STARD13: variants seen among roughly 807,000 people sequenced by gnomAD.
STARD13 encodes the protein StAR related lipid transfer domain containing 13.
Under a neutral mutation model 106.4 loss-of-function variants are expected in STARD13, and 62 were observed. The observed-to-expected ratio is 0.58, with a 90% confidence interval of 0.48 to 0.72. STARD13 has a LOEUF of 0.72. Ranked by LOEUF, STARD13 falls within the 30% of genes least tolerant of loss-of-function variation. STARD13 has a pLI of 0.00. For synonymous variants in STARD13, 565 were observed against 553.0 expected, an observed-to-expected ratio of 1.02 and a Z score of -0.31; for missense variants, 1,387 against 1,424.0, an observed-to-expected ratio of 0.97 and a Z score of 0.42.
chr13:33,604,599 C>A, the STARD13 span, among the ~76,000 whole-genome samples: 1 of 151,968 alleles, frequency 6.6e-6, no homozygotes, highest in Non-Finnish European at 1.5e-5. Flanking sequence ...GAGTTTGAGA[C>A]CAGCCTGGCC....
At chr13:33,345,033 AC>A (rs1415242675), downstream of STARD13, among the ~76,000 whole-genome samples, 2 of 152,222 alleles carry the variant, frequency 1.3e-5, no homozygotes, top group Non-Finnish European at 1.5e-5. Context: ...TAGAATTGTC[AC>A]CAGCAGTGGT....
intron 1 of STARD13, among the ~76,000 whole-genome samples, chr13:33,304,451 C>A (rs531605825): frequency 2.0e-5 from 3 of 152,192 alleles, no homozygotes; most frequent in South Asian, 4.2e-4. Flanking sequence ...ACTTCTAAAT[C>A]TTGAAAAGAA....
chr13:33,614,766 A>C, the STARD13 span, among the ~76,000 whole-genome samples: 7 of 152,190 alleles, frequency 4.6e-5, no homozygotes, highest in Non-Finnish European at 1.0e-4. Flanking sequence ...CAAGGCCAGC[A>C]AGCATCAAGT....
chr13:33,499,426 A>T, the STARD13 span, among the ~76,000 whole-genome samples: 1 of 152,222 alleles, frequency 6.6e-6, no homozygotes, highest in Non-Finnish European at 1.5e-5. Context: ...CTTGGGTTGC[A>T]GATGGCCACT....
intron 3 of STARD13, 30 bp downstream of exon 3, chr13:33,165,307 A>G: frequency 1.3e-6 from 2 of 1,554,278 alleles, no homozygotes; most frequent in Non-Finnish European, 1.8e-6. Flanking sequence ...TGAACAGTGG[A>G]AAGAAACAAA....
chr13:33,350,931 TACC>T (rs1166077128), upstream of STARD13, among the ~76,000 whole-genome samples: 4 of 80,464 alleles, frequency 5.0e-5, no homozygotes, highest in African/African-American at 9.9e-5. Context: ...TTTCAGAAAC[TACC>T]ACCTTCACAA....
At chr13:33,358,439 G>T in the STARD13 span, among the ~76,000 whole-genome samples, 1 of 152,228 alleles carries the variant, frequency 6.6e-6, no homozygotes, top group Non-Finnish European at 1.5e-5. Flanking sequence ...AGCCAGCTGG[G>T]CTCCTGAGTC....
intron 1 of STARD13, chr13:33,185,876 AC>A: frequency 1.9e-6 from 3 of 1,613,512 alleles, no homozygotes; most frequent in African/African-American, 1.3e-5. Flanking sequence ...TCCAGCACTT[AC>A]CCCGGCGCTG....
the STARD13 span, among the ~76,000 whole-genome samples, chr13:33,474,545 A>T: frequency 6.6e-6 from 1 of 152,360 alleles, no homozygotes; most frequent in East Asian, 1.9e-4. Context: ...TACATTAAAC[A>T]AATAAGTCCA....
chr13:33,289,058 G>T (rs1475088616), upstream of STARD13, among the ~76,000 whole-genome samples: 1 of 152,186 alleles, frequency 6.6e-6, no homozygotes, highest in African/African-American at 2.4e-5. Context: ...ACAGGCAACT[G>T]AGAGAGCTGG....
chr13:33,239,447 C>T (rs549282745), intron 1 of STARD13, among the ~76,000 whole-genome samples: 2 of 152,068 alleles, frequency 1.3e-5, no homozygotes, highest in African/African-American at 2.4e-5. Context: ...TTTTTAGGAA[C>T]TTCCATTCTG....
chr13:33,213,238 G>A (rs1887826439), intron 1 of STARD13, among the ~76,000 whole-genome samples: 1 of 151,942 alleles, frequency 6.6e-6, no homozygotes, highest in Non-Finnish European at 1.5e-5. Context: ...TGCACATATA[G>A]GATTTCTATG....
chr13:33,475,566 C>G, the STARD13 span, among the ~76,000 whole-genome samples: 1 of 152,176 alleles, frequency 6.6e-6, no homozygotes, highest in African/African-American at 2.4e-5. Flanking sequence ...ATCTAGAGAG[C>G]TACAAGAGCA....
intron 1 of STARD13, among the ~76,000 whole-genome samples, chr13:33,189,823 T>C (rs1886113463): frequency 6.6e-6 from 1 of 151,894 alleles, no homozygotes; most frequent in Admixed American, 6.6e-5. Context: ...GTGATCCCAG[T>C]TTCTAGCAGG....
chr13:33,199,966 TG>T (rs1886901305), intron 1 of STARD13, among the ~76,000 whole-genome samples: 1 of 152,244 alleles, frequency 6.6e-6, no homozygotes, highest in Non-Finnish European at 1.5e-5. Flanking sequence ...TGTTTTCCTT[TG>T]GGGAGTAGAG....
the STARD13 span, among the ~76,000 whole-genome samples, chr13:33,358,020 G>T: frequency 6.6e-6 from 1 of 152,206 alleles, no homozygotes; most frequent in African/African-American, 2.4e-5. Context: ...TGCGGCGCTT[G>T]CGGGCCAGCT....
intron 1 of STARD13, among the ~76,000 whole-genome samples, chr13:33,332,020 C>A (rs1383985172): frequency 6.6e-6 from 1 of 152,108 alleles, no homozygotes; most frequent in Non-Finnish European, 1.5e-5. Context: ...CTTTTCCTTC[C>A]ACATTTTACA....
At chr13:33,360,162 A>G in the STARD13 span, among the ~76,000 whole-genome samples, 1 of 152,108 alleles carries the variant, frequency 6.6e-6, no homozygotes, top group African/African-American at 2.4e-5. Flanking sequence ...GAGCCTCAAG[A>G]TGTAATTCCT....
At chr13:33,243,543 A>C (rs1889656989) in intron 1 of STARD13, among the ~76,000 whole-genome samples, 1 of 152,140 alleles carries the variant, frequency 6.6e-6, no homozygotes, top group Non-Finnish European at 1.5e-5. Context: ...GTATGGAATT[A>C]ATTTTTTTTT....
Sources: allele counts gnomAD v4.1 joint callset (sites outside exome capture counted in the v4.1 genomes callset), GRCh38; gene constraint gnomAD v4.1.1; transcripts MANE v1.5; gene names NCBI Gene and HGNC (gene_info 2026-07-23, HGNC 2026-07-21).